Variants in COL4A4 observed in about 807,000 individuals in gnomAD.
COL4A4 encodes the protein collagen type IV alpha 4 chain, also known as collagen alpha-4(IV) chain.
A neutral mutation model predicts 192.9 loss-of-function variants in COL4A4; 105 were observed. The observed-to-expected ratio is 0.54, with a 90% CI of 0.46 to 0.64. COL4A4 has a LOEUF of 0.64. COL4A4 is among the 30% of genes least tolerant of loss of function. The pLI, the probability that COL4A4 is intolerant of heterozygous loss-of-function variation, is 0.00. For synonymous variants in COL4A4, 762 were observed against 769.9 expected (o/e 0.99, Z 0.17); for missense variants, 1,967 against 2,169.3 (o/e 0.91, Z 1.85).
intron 25 of COL4A4, among the ~76,000 whole-genome samples, chr2:227,076,752 C>A (rs1227913471): frequency 6.6e-6 from 1 of 152,082 alleles, no homozygotes; most frequent in Non-Finnish European, 1.5e-5. Flanking sequence ...TGACAAAAGT[C>A]TAATATCCAG....
intron 22 of COL4A4, among the ~76,000 whole-genome samples, chr2:227,085,761 C>A (rs1179936331): frequency 6.6e-6 from 1 of 152,132 alleles, no homozygotes; most frequent in African/African-American, 2.4e-5. Context: ...CGTGAGGGAT[C>A]CACCCCCATG....
chr2:227,015,894 T>G (rs1408039442), intron 44 of COL4A4, among the ~76,000 whole-genome samples: 1 of 152,202 alleles, frequency 6.6e-6, no homozygotes, highest in Non-Finnish European at 1.5e-5. Context: ...CAGGCAATTG[T>G]GTCTTTTAAA....
rs183601444 is a variant in COL4A4, at chr2:227,012,739, G to A, written c.4217-442C>T. On this transcript the variant is annotated intron_variant, in intron 44 of 47. Transcript: ENST00000396625. The stretch of plus-strand genomic sequence containing the variant: ...ATGGAGAAATGAATGAAACTTAATC[G>A]GTTTCATTTGGGGTCACGTTAAATC... Among the ~76,000 whole-genome samples the A allele has an allele frequency of 2.0e-5, 3 of 151,728 alleles. No individual in the cohort carries two copies. In the East Asian group the frequency reaches 5.8e-4, roughly 29 times the overall value.
chr2:227,022,098 C>T lies in COL4A4; in HGVS notation c.4166G>A (p.Gly1389Glu), dbSNP rs759174203. The change falls in exon 44 of 48, where the codon GGA becomes GAA. Residue 1389 changes from glycine (G) to glutamate (E), a missense_variant. Gly to Glu is a moderately conservative substitution (Grantham distance 98, BLOSUM62 -2). Transcript: ENST00000396625. ...PGLPGAPGMR[G>E]PEGAMGLPGM... Reference sequence around the variant, plus strand: ...AGGGAGCCCCATGGCTCCTTCTGGTCCTCTCATGCCTGGCGCCCCAGGAAG... The same window carrying T: ...AGGGAGCCCCATGGCTCCTTCTGGTTCTCTCATGCCTGGCGCCCCAGGAAG... 1 of 1,614,132 alleles carries T rather than the reference C, an allele frequency of 6.2e-7. No homozygotes were observed. The highest frequency in any genetic ancestry group is 8.5e-7 in the Non-Finnish European group (1 of 1,180,012).
intron 26 of COL4A4, among the ~76,000 whole-genome samples, chr2:227,060,886 C>T (rs745499035): frequency 1.3e-5 from 2 of 152,020 alleles, no homozygotes; most frequent in Non-Finnish European, 2.9e-5. Context: ...CGCCACCACG[C>T]CTGGCTAATT....
intron 46 of COL4A4, among the ~76,000 whole-genome samples, chr2:227,009,822 C>T (rs1475246990): frequency 1.3e-5 from 2 of 151,582 alleles, no homozygotes; most frequent in African/African-American, 2.4e-5. Context: ...CAAGGAGCAC[C>T]AAAAGATGAC....
At chr2:227,027,333 T>C (rs1967103174) in intron 42 of COL4A4, among the ~76,000 whole-genome samples, 1 of 150,048 alleles carries the variant, frequency 6.7e-6, no homozygotes, top group Admixed American at 6.6e-5. Context: ...TGTAGGGACA[T>C]GGATGAAGCT....
In COL4A4 at chr2:227,060,121, A is replaced by AAAAAAAAAAC. The variant is rs1553644267; in HGVS notation, c.2164+14_2164+15insGTTTTTTTTT. 1 of 1,415,244 alleles carries AAAAAAAAAAC rather than the reference A, an allele frequency of 7.1e-7. No individual in the cohort carries two copies. The highest frequency in any genetic ancestry group is 1.3e-5 in the South Asian group (1 of 79,450). The allele number at this position is 1,415,244 out of a possible 1,614,324, so 87.7% of individuals were successfully genotyped here. On this transcript the variant is annotated intron_variant, in intron 27 of 47. Transcript: ENST00000396625. Reference sequence around the variant, plus strand: ...AAGCAGAAAAAAAAAAAAAAAAAAAAAAAACCTCACTGACCAGGTGGACCT... The same window carrying AAAAAAAAAAC: ...AAGCAGAAAAAAAAAAAAAAAAAAAAAAAAAAAAACAAAACCTCACTGACCAGGTGGACCT...
chr2:227,091,138 T>A (rs1418876141), intron 20 of COL4A4, among the ~76,000 whole-genome samples: 2 of 152,014 alleles, frequency 1.3e-5, no homozygotes, highest in Non-Finnish European at 2.9e-5. Context: ...CAAGCTATTT[T>A]AATTTATTTT....
chr2:227,029,706 C>A (rs1045895050), intron 41 of COL4A4, among the ~76,000 whole-genome samples: 1 of 152,130 alleles, frequency 6.6e-6, no homozygotes, highest in Non-Finnish European at 1.5e-5. Context: ...CTTCTTTGAA[C>A]CTAAAAATTC....
intron 4 of COL4A4, among the ~76,000 whole-genome samples, chr2:227,131,788 G>A (rs1559702945): frequency 1.3e-5 from 2 of 152,182 alleles, no homozygotes; most frequent in South Asian, 2.1e-4. Context: ...TAAGGAGGAC[G>A]CAGAGGGAGA....
At chr2:227,052,513 C>T (rs1418778277) in intron 31 of COL4A4, 101 bp from the exon 32 acceptor site, 5 of 753,516 alleles carry the variant, frequency 6.6e-6, no homozygotes, top group South Asian at 1.4e-5. Flanking sequence ...TCCCACTTAA[C>T]CTACGAAGCT....
chr2:227,047,496 G>T lies in COL4A4; in HGVS notation c.3268C>A (p.Pro1090Thr). ...ATACCTGGACATCCAGGGCTACCTGGCTCACCCTTTGGACCAGGTGGACCA... is the reference window on the plus strand; with the variant it reads ...ATACCTGGACATCCAGGGCTACCTGTCTCACCCTTTGGACCAGGTGGACCA... ...HFGPPGPKGEPGSPGCPGHFG... is the reference protein window; with the variant it reads ...HFGPPGPKGETGSPGCPGHFG... Residue 1090 changes from proline (P) to threonine (T), a missense_variant, in exon 35 of 48, where the codon CCA becomes ACA. Transcript: ENST00000396625. 6.2e-7 allele frequency: 1 copy of T among 1,613,668 alleles called. No homozygotes were observed. The highest frequency in any genetic ancestry group is 8.5e-7 in the Non-Finnish European group (1 of 1,179,750).
intron 25 of COL4A4, 94 bp downstream of exon 25, chr2:227,077,800 C>G: frequency 8.4e-7 from 1 of 1,196,492 alleles, no homozygotes; most frequent in Admixed American, 2.1e-5. Context: ...ACACTAAAAT[C>G]TCAGAATTCA....
At chr2:227,107,000 T>C (rs2060884101) in intron 12 of COL4A4, among the ~76,000 whole-genome samples, 3 of 152,202 alleles carry the variant, frequency 2.0e-5, no homozygotes, top group African/African-American at 4.8e-5. Context: ...TGCAAATGTG[T>C]CTGATTGGAC....
Position 227,004,888 on chromosome 2 carries a change from G to A in COL4A4, c.*2437C>T, listed in dbSNP as rs1420280066. The A allele has an allele frequency of 6.6e-6, 1 of 152,220 alleles. No homozygotes were observed. Among genetic ancestry groups the A allele is most frequent in the Non-Finnish European group, 1.5e-5 (1 of 68,110 alleles). The allele number at this position is 152,220 out of a possible 1,614,324, so 9.4% of individuals were successfully genotyped here. On this transcript the variant is annotated 3_prime_UTR_variant, in exon 48 of 48. Coordinates refer to ENST00000396625, the MANE Select transcript of COL4A4 (RefSeq NM_000092.5). ...AGGCAGGGAGAGAAGGGTTTGATAAGGATCATCTCCAATAATGGGTTAGGA... is the reference window on the plus strand; with the variant it reads ...AGGCAGGGAGAGAAGGGTTTGATAAAGATCATCTCCAATAATGGGTTAGGA...
chr2:227,131,528 C>T (rs34160409), intron 4 of COL4A4, among the ~76,000 whole-genome samples: 50,344 of 152,020 alleles, frequency 0.33, 9,211 homozygotes, highest in Non-Finnish European at 0.41. Context: ...TCTCTAGTCA[C>T]GTTTCAGTCC....
downstream of COL4A4, among the ~76,000 whole-genome samples, chr2:227,000,030 C>G (rs571486834): frequency 2.0e-5 from 3 of 152,322 alleles, no homozygotes; most frequent in African/African-American, 7.2e-5. Flanking sequence ...ATTTGAGATT[C>G]TTTCAAGTTA....
At chr2:227,126,814 T>C (rs1343469519) in intron 4 of COL4A4, among the ~76,000 whole-genome samples, 5 of 152,206 alleles carry the variant, frequency 3.3e-5, no homozygotes, top group African/African-American at 1.2e-4. Flanking sequence ...AGAGAATAAT[T>C]CTATTTTCTT....
Sources: allele counts gnomAD v4.1 joint callset (sites outside exome capture counted in the v4.1 genomes callset), GRCh38; gene constraint gnomAD v4.1.1; transcripts MANE v1.5; gene names NCBI Gene and HGNC (gene_info 2026-07-23, HGNC 2026-07-21).